Variants in PSTPIP2 observed in about 807,000 individuals in gnomAD.
The protein encoded by PSTPIP2 is proline-serine-threonine phosphatase-interacting protein 2.
A neutral mutation model predicts 63.3 loss-of-function variants in PSTPIP2; 33 were observed. The ratio of observed to expected loss-of-function variants is 0.52; its 90% confidence interval spans 0.40 to 0.70. The LOEUF (loss-of-function observed/expected upper bound fraction) is 0.70, where lower values mean the gene tolerates loss of function less well. Ranked by LOEUF, PSTPIP2 falls within the 30% of genes least tolerant of loss-of-function variation. PSTPIP2 has a pLI of 0.00. For synonymous variants in PSTPIP2, 125 were observed against 132.7 expected, an observed-to-expected ratio of 0.94 and a Z score of 0.40; for missense variants, 312 against 400.7, an observed-to-expected ratio of 0.78 and a Z score of 1.89.
At chr18:46,069,967 A>G (rs989444414) in intron 1 of PSTPIP2, among the ~76,000 whole-genome samples, 1 of 152,194 alleles carries the variant, frequency 6.6e-6, no homozygotes, top group Non-Finnish European at 1.5e-5. Flanking sequence ...GCTGGCAACT[A>G]TAGGTGCTCT....
chr18:46,023,404 A>G (rs1472995063), intron 3 of PSTPIP2, among the ~76,000 whole-genome samples: 9 of 152,056 alleles, frequency 5.9e-5, no homozygotes, highest in Non-Finnish European at 8.8e-5. Context: ...CTACTAAAAT[A>G]CAAAATTAGC....
At chr18:46,012,269 G>A (rs545279812) in intron 4 of PSTPIP2, among the ~76,000 whole-genome samples, 151 of 151,564 alleles carry the variant, frequency 1.0e-3, no homozygotes, top group African/African-American at 3.3e-3. Context: ...GCACTGTTGG[G>A]GAAAAAAAAA....
intron 3 of PSTPIP2, among the ~76,000 whole-genome samples, chr18:46,024,298 T>G (rs1907497204): frequency 6.6e-6 from 1 of 151,978 alleles, no homozygotes; most frequent in Non-Finnish European, 1.5e-5. Context: ...CCACCATGCC[T>G]GGCTAATTTT....
chr18:46,052,567 TA>T (rs34500084), intron 1 of PSTPIP2, among the ~76,000 whole-genome samples: 46,287 of 150,290 alleles, frequency 0.31, 7,545 homozygotes, highest in East Asian at 0.53. Context: ...AATGTTAATT[TA>T]AAAAAAAAAA....
chr18:46,028,121 A>G (rs1374359381), intron 2 of PSTPIP2, among the ~76,000 whole-genome samples: 3 of 152,260 alleles, frequency 2.0e-5, no homozygotes, highest in Admixed American at 1.3e-4. Context: ...AGATCGCGCC[A>G]TTGCACTCCA....
Position 46,040,010 on chromosome 18 carries a change from A to G in PSTPIP2, c.71T>C (p.Ile24Thr), listed in dbSNP as rs767925807. The change falls in exon 2 of 15, where the codon ATT becomes ACT. Residue 24 changes from isoleucine to threonine, a missense_variant. Transcript: ENST00000409746. Reference protein sequence around the residue: ...DILSTIGYDNIIQHLNNGRKN... With the variant: ...DILSTIGYDNTIQHLNNGRKN... ...GCGGCCATTGTTCAGATGTTGGATA[A>G]TGTTGTCATAGCCGATGGTGCTGAG... is the stretch of plus-strand genomic sequence containing the variant. The G allele has an allele frequency of 6.2e-7, 1 of 1,613,300 alleles. No individual in the cohort carries two copies. The highest frequency in any genetic ancestry group is 1.7e-5 in the Admixed American group (1 of 59,908).
At chr18:46,033,855 A>G (rs1907873732) in intron 2 of PSTPIP2, among the ~76,000 whole-genome samples, 2 of 152,222 alleles carry the variant, frequency 1.3e-5, no homozygotes, top group Non-Finnish European at 2.9e-5. Context: ...ACCTTCTCCA[A>G]TAAAGTCTTC....
chr18:45,993,722 G>A lies in PSTPIP2; in HGVS notation c.643-19C>T, dbSNP rs367865365. The A allele has an allele frequency of 5.6e-6, 9 of 1,598,380 alleles. No individual in the cohort carries two copies. The highest frequency in any genetic ancestry group is 1.7e-4 in the Middle Eastern group (1 of 6,036). ...CAAATGCCTACAGAAAAATAGCTACGTGTACATAGATATGCAAGGAAAAGG... is the reference window on the plus strand; with the variant it reads ...CAAATGCCTACAGAAAAATAGCTACATGTACATAGATATGCAAGGAAAAGG... On this transcript the variant is annotated intron_variant, in intron 9 of 14. Transcript: ENST00000409746.
chr18:46,062,149 G>A (rs1019191084), intron 1 of PSTPIP2, among the ~76,000 whole-genome samples: 1 of 152,094 alleles, frequency 6.6e-6, no homozygotes. Context: ...AGATAGGGAT[G>A]GGGTCTCAGT....
chr18:46,050,812 G>A (rs558408377), intron 1 of PSTPIP2, among the ~76,000 whole-genome samples: 1 of 151,892 alleles, frequency 6.6e-6, no homozygotes, highest in Non-Finnish European at 1.5e-5. Context: ...TGCAAAGAAA[G>A]GGACACACCA....
At chr18:46,029,206 T>G in intron 2 of PSTPIP2, 1 of 1,065,934 alleles carries the variant, frequency 9.4e-7, no homozygotes, top group Non-Finnish European at 1.5e-6. Context: ...TTCCTGTGCA[T>G]CAAGTGAGAG....
At chr18:46,028,499 T>C (rs2144100272) in intron 2 of PSTPIP2, 5 of 637,888 alleles carry the variant, frequency 7.8e-6, no homozygotes, top group South Asian at 6.8e-5. Flanking sequence ...TCTTCGGCGA[T>C]GTCGAGGACG....
At chr18:46,050,645 A>G (rs1303013506) in intron 1 of PSTPIP2, among the ~76,000 whole-genome samples, 1 of 152,212 alleles carries the variant, frequency 6.6e-6, no homozygotes, top group Non-Finnish European at 1.5e-5. Context: ...AATTATGTAC[A>G]ATCACATGAT....
chr18:46,055,780 C>A (rs536768013), intron 1 of PSTPIP2, among the ~76,000 whole-genome samples: 210 of 152,322 alleles, frequency 1.4e-3, no homozygotes, highest in Non-Finnish European at 2.4e-3. Context: ...TTGCTAAAAG[C>A]AAAACTGTAC....
intron 1 of PSTPIP2, among the ~76,000 whole-genome samples, chr18:46,067,612 A>G (rs1909239913): frequency 6.6e-6 from 1 of 152,188 alleles, no homozygotes. Flanking sequence ...TATTCTTGTA[A>G]CAAGTAGCTG....
chr18:45,986,229 T>A (rs2051464911), intron 14 of PSTPIP2, among the ~76,000 whole-genome samples: 1 of 152,226 alleles, frequency 6.6e-6, no homozygotes, highest in South Asian at 2.1e-4. Flanking sequence ...TGTTGTATAC[T>A]CCCTTTAGTA....
At chr18:45,988,970 T>C (rs2051495813) in intron 13 of PSTPIP2, among the ~76,000 whole-genome samples, 1 of 152,194 alleles carries the variant, frequency 6.6e-6, no homozygotes, top group South Asian at 2.1e-4. Context: ...CTTTGCCCTT[T>C]TTCATCCATG....
At chr18:46,014,045 A>G (rs1322969283) in intron 4 of PSTPIP2, among the ~76,000 whole-genome samples, 1 of 151,196 alleles carries the variant, frequency 6.6e-6, no homozygotes, top group Non-Finnish European at 1.5e-5. Context: ...TTTTTTTTTA[A>G]ACAGTCTTAC....
chr18:46,011,525 A>C (rs1358526239), intron 4 of PSTPIP2, among the ~76,000 whole-genome samples: 1 of 152,138 alleles, frequency 6.6e-6, no homozygotes, highest in African/African-American at 2.4e-5. Context: ...TTACTAACCT[A>C]GGGTGCCCAG....
Sources: allele counts gnomAD v4.1 joint callset (sites outside exome capture counted in the v4.1 genomes callset), GRCh38; gene constraint gnomAD v4.1.1; transcripts MANE v1.5; gene names NCBI Gene and HGNC (gene_info 2026-07-23, HGNC 2026-07-21).